SLC8A1: variants seen among roughly 807,000 people sequenced by gnomAD.
The protein encoded by SLC8A1 is sodium/calcium exchanger 1.
SLC8A1 carries 18 observed loss-of-function variants against 68.3 expected under a neutral mutation model. The ratio of observed to expected loss-of-function variants is 0.26; its 90% CI spans 0.18 to 0.39. The LOEUF is 0.39. Ranked by LOEUF, SLC8A1 falls within the 10% of genes least tolerant of loss-of-function variation. The probability of loss-of-function intolerance (pLI) is 1.00; values close to 1 mark genes in which losing one functional copy is unlikely to be tolerated. For missense variants in SLC8A1, 985 were observed against 1,156.7 expected (o/e 0.85, Z 2.15); for synonymous variants, 475 against 415.5 (o/e 1.14, Z -1.74).
intron 2 of SLC8A1, among the ~76,000 whole-genome samples, chr2:40,400,061 C>A (rs1688232309): frequency 6.6e-6 from 1 of 152,180 alleles, no homozygotes; most frequent in Admixed American, 6.5e-5. Flanking sequence ...AGCCCCCAGT[C>A]ACGTACCCGC....
intron 2 of SLC8A1, among the ~76,000 whole-genome samples, chr2:40,410,372 A>C (rs578083786): frequency 2.0e-5 from 3 of 152,214 alleles, no homozygotes; most frequent in South Asian, 2.1e-4. Context: ...ATTTCATTTG[A>C]TTTTCATTAA....
chr2:40,497,515 G>A (rs548124122), intron 1 of SLC8A1, among the ~76,000 whole-genome samples: 108 of 152,126 alleles, frequency 7.1e-4, no homozygotes, highest in African/African-American at 2.4e-3. Context: ...GGGTAAGGGG[G>A]AGTTGAGCCT....
At chr2:40,158,432 C>A (rs114971430) in intron 6 of SLC8A1, among the ~76,000 whole-genome samples, 1,712 of 152,300 alleles carry the variant, frequency 0.011, 33 homozygotes, top group African/African-American at 0.039. Flanking sequence ...GGTCGATTTA[C>A]CCAGCAGCCT....
exon 8 of SLC8A1, chr2:40,113,786 T>C (rs867213777): frequency 4.8e-4 from 74 of 152,898 alleles, no homozygotes; most frequent in African/African-American, 1.8e-3. Flanking sequence ...CATATCAACG[T>C]CTCTATAAGG....
intron 2 of SLC8A1, among the ~76,000 whole-genome samples, chr2:40,373,659 C>A (rs1678882497): frequency 6.6e-6 from 1 of 152,058 alleles, no homozygotes; most frequent in Non-Finnish European, 1.5e-5. Flanking sequence ...GCTGAGAGAA[C>A]TTGAGTAACT....
chr2:40,413,244 A>G (rs1345360025), intron 2 of SLC8A1, among the ~76,000 whole-genome samples: 1 of 152,212 alleles, frequency 6.6e-6, no homozygotes, highest in African/African-American at 2.4e-5. Flanking sequence ...CAGCCATCCC[A>G]TTACTGGGTA....
chr2:40,214,967 G>A (rs2057225778), intron 2 of SLC8A1, among the ~76,000 whole-genome samples: 1 of 152,138 alleles, frequency 6.6e-6, no homozygotes, highest in South Asian at 2.1e-4. Context: ...TGGAGCAGTG[G>A]ACTAGTTTGG....
chr2:40,157,382 G>A (rs940671263), intron 6 of SLC8A1, among the ~76,000 whole-genome samples: 7 of 152,100 alleles, frequency 4.6e-5, no homozygotes, highest in African/African-American at 1.7e-4. Context: ...GTCATCCAGG[G>A]AGGTTTTGGA....
intron 2 of SLC8A1, among the ~76,000 whole-genome samples, chr2:40,345,992 C>T (rs1434274987): frequency 6.8e-6 from 1 of 147,046 alleles, no homozygotes; most frequent in Non-Finnish European, 1.5e-5. Flanking sequence ...GCACGTGTAT[C>T]CCCAGAACTT....
At chr2:40,355,973 C>T (rs774883580) in intron 2 of SLC8A1, among the ~76,000 whole-genome samples, 3 of 152,086 alleles carry the variant, frequency 2.0e-5, no homozygotes, top group South Asian at 2.1e-4. Context: ...ATTGAACCTA[C>T]GACATGCCAA....
chr2:40,178,205 G>T (rs537248858), intron 2 of SLC8A1, among the ~76,000 whole-genome samples, 182 bp downstream of exon 3: 5 of 152,170 alleles, frequency 3.3e-5, no homozygotes, highest in Admixed American at 3.3e-4. Flanking sequence ...AATGTGCAGC[G>T]CACCTAACGC....
Position 40,175,322 on chromosome 2 carries a change from C to T in SLC8A1, c.1913-480G>A, listed in dbSNP as rs906739987. 2.5e-6 allele frequency: 4 copies of T among 1,592,574 alleles called. No homozygotes were observed. In the South Asian group the frequency reaches 3.3e-5, roughly 13 times the overall value. On this transcript the variant is annotated intron_variant, in intron 3 of 7. Coordinates refer to ENST00000406785, the Ensembl canonical transcript of SLC8A1. Reference sequence around the variant, plus strand: ...ACAAAGACAAACACAGAATAAGAGACCAGATGAATAATGAAAGTAAGAGGA... The same window carrying T: ...ACAAAGACAAACACAGAATAAGAGATCAGATGAATAATGAAAGTAAGAGGA...
chr2:40,287,334 C>T (rs866352431), intron 2 of SLC8A1, among the ~76,000 whole-genome samples: 4 of 152,190 alleles, frequency 2.6e-5, no homozygotes, highest in African/African-American at 9.6e-5. Flanking sequence ...GCTTAGAAAA[C>T]AGCTGTGTTT....
intron 2 of SLC8A1, among the ~76,000 whole-genome samples, chr2:40,400,621 G>A (rs1335426346): frequency 6.6e-6 from 1 of 152,186 alleles, no homozygotes; most frequent in Non-Finnish European, 1.5e-5. Context: ...GAGGAAATGA[G>A]AGGGTGTTCC....
chr2:40,142,510 TAATC>T (rs1266405853), intron 6 of SLC8A1, among the ~76,000 whole-genome samples: 14 of 152,236 alleles, frequency 9.2e-5, no homozygotes, highest in African/African-American at 1.4e-4. Flanking sequence ...GAAAGCATTT[TAATC>T]AATCATTCAC....
chr2:40,196,065 ATAT>A (rs1405483171), intron 2 of SLC8A1: 1 of 151,132 alleles, frequency 6.6e-6, no homozygotes, highest in East Asian at 2.0e-4. Flanking sequence ...GGAAGTGCTA[ATAT>A]TTAAAAATCA....
At chr2:40,317,328 T>C (rs2074595900) in intron 2 of SLC8A1, among the ~76,000 whole-genome samples, 1 of 152,094 alleles carries the variant, frequency 6.6e-6, no homozygotes, top group African/African-American at 2.4e-5. Flanking sequence ...CATGTAATCA[T>C]ATTGGTTTTA....
intron 2 of SLC8A1, among the ~76,000 whole-genome samples, chr2:40,418,478 G>C (rs929593544): frequency 6.6e-6 from 1 of 152,118 alleles, no homozygotes; most frequent in Non-Finnish European, 1.5e-5. Context: ...CAACATGTCA[G>C]GATATTCTGA....
At chr2:40,471,905 G>A (rs1704011937) in intron 1 of SLC8A1, among the ~76,000 whole-genome samples, 1 of 152,170 alleles carries the variant, frequency 6.6e-6, no homozygotes, top group African/African-American at 2.4e-5. Context: ...TTTAAAATAT[G>A]TTCATCCAGC....
Sources: gnomAD v4.1 joint callset for allele counts (sites outside exome capture counted in the v4.1 genomes callset) on GRCh38, gnomAD v4.1.1 for gene constraint, MANE v1.5 for transcripts, NCBI Gene and HGNC (gene_info 2026-07-23, HGNC 2026-07-21) for gene names.